Variants in TMEM132B observed in about 807,000 individuals in gnomAD.
The protein encoded by TMEM132B is transmembrane protein 132B.
A neutral mutation model predicts 90.8 loss-of-function variants in TMEM132B; 18 were observed. The ratio of observed to expected loss-of-function variants is 0.20; its 90% CI spans 0.14 to 0.29. The LOEUF is 0.29. Among genes scored for constraint, TMEM132B ranks in the 10% least tolerant of loss-of-function variants. The probability of loss-of-function intolerance (pLI) is 1.00; values close to 1 mark genes in which losing one functional copy is unlikely to be tolerated. For synonymous variants in TMEM132B, 504 were observed against 523.3 expected, an observed-to-expected ratio of 0.96 and a Z score of 0.50; for missense variants, 1,096 against 1,326.8, an observed-to-expected ratio of 0.83 and a Z score of 2.70.
At chr12:125,270,009 G>C (rs1373125996) in intron 1 of TMEM132B, among the ~76,000 whole-genome samples, 1 of 151,500 alleles carries the variant, frequency 6.6e-6, no homozygotes, top group Non-Finnish European at 1.5e-5. Context: ...AGTCTGGGCA[G>C]TAGAACATGA....
Position 125,652,429 on chromosome 12 carries a change from C to G in TMEM132B, c.1915-12C>G. 1 of 1,580,430 alleles carries G rather than the reference C, an allele frequency of 6.3e-7. No individual in the cohort carries two copies. Among genetic ancestry groups the G allele is most frequent in the African/African-American group, 1.3e-5 (1 of 74,306 alleles). On this transcript the variant is annotated splice_polypyrimidine_tract_variant and intron_variant, in intron 7 of 8. Coordinates refer to ENST00000682704, the MANE Select transcript of TMEM132B (RefSeq NM_001366854.1). The stretch of plus-strand genomic sequence containing the variant: ...GAGCAGAGATGCATGAGTCTCCTCG[C>G]TGACTTTTCAGGTCCTCTCGCCGTT...
intron 3 of TMEM132B, among the ~76,000 whole-genome samples, chr12:125,479,987 A>C (rs1190858010): frequency 6.6e-6 from 1 of 152,238 alleles, no homozygotes; most frequent in Non-Finnish European, 1.5e-5. Flanking sequence ...TGGAAACTGA[A>C]CAACCTGCTC....
intron 4 of TMEM132B, among the ~76,000 whole-genome samples, chr12:125,525,968 G>A (rs151125479): frequency 3.9e-5 from 6 of 152,176 alleles, no homozygotes; most frequent in Admixed American, 1.3e-4. Flanking sequence ...ATAACTTGTC[G>A]TTAAAAAGGA....
chr12:125,489,609 G>A (rs112022026), intron 3 of TMEM132B, among the ~76,000 whole-genome samples: 4,507 of 151,932 alleles, frequency 0.03, 116 homozygotes, highest in African/African-American at 0.069. Flanking sequence ...ATGGGGTCTC[G>A]CTATGTTGTC....
Position 125,519,578 on chromosome 12 carries a change from A to T in TMEM132B, c.1246A>T (p.Ile416Phe). 1 of 1,614,046 alleles carries T rather than the reference A, an allele frequency of 6.2e-7. No individual in the cohort carries two copies. Among genetic ancestry groups the T allele is most frequent in the Non-Finnish European group, 8.5e-7 (1 of 1,180,004 alleles). The change falls in exon 4 of 9, where the codon ATC (isoleucine) becomes TTC (phenylalanine). Residue 416 changes from isoleucine (I) to phenylalanine (F), a missense_variant. Coordinates refer to ENST00000682704, the MANE Select transcript of TMEM132B (RefSeq NM_001366854.1). ...CATGAGTGAGCTGGTCGTCTCCGAG[A>T]TCTTCGTCAGCCAGACAACCTTCGT... The part of the protein sequence containing the change: ...DSMSELVVSE[I>F]FVSQTTFVGI...
chr12:125,304,438 A>C (rs1875906737), intron 1 of TMEM132B, among the ~76,000 whole-genome samples: 1 of 151,720 alleles, frequency 6.6e-6, no homozygotes, highest in Admixed American at 6.6e-5. Context: ...AAAATCCATG[A>C]AGATTTGTCC....
chr12:125,408,028 C>T lies in TMEM132B; in HGVS notation c.960-7503C>T, dbSNP rs940649603. On this transcript the variant is annotated intron_variant, in intron 2 of 8. Coordinates refer to ENST00000682704, the MANE Select transcript of TMEM132B (RefSeq NM_001366854.1). This position sits in a 1 kb window ranked among gnomAD's most constrained non-coding sequence, Gnocchi z 5.9. The stretch of plus-strand genomic sequence containing the variant: ...TCCCCAGAAGCCCAGCAGGACTCCA[C>T]TCAGTGACTGCCTCTACCACAGGGC... Among the ~76,000 whole-genome samples the T allele has an allele frequency of 7.2e-5, 11 of 152,224 alleles. No individual in the cohort carries two copies. Among genetic ancestry groups the T allele is most frequent in the African/African-American group, 2.2e-4 (9 of 41,462 alleles).
intron 1 of TMEM132B, among the ~76,000 whole-genome samples, chr12:125,230,824 T>C (rs1289149812): frequency 1.3e-5 from 2 of 152,126 alleles, no homozygotes; most frequent in Non-Finnish European, 2.9e-5. Flanking sequence ...TTCCAGGTGA[T>C]GCTGAGCACG....
chr12:125,342,691 T>G (rs1307304289), intron 1 of TMEM132B, among the ~76,000 whole-genome samples: 2 of 152,190 alleles, frequency 1.3e-5, no homozygotes, highest in African/African-American at 4.8e-5. Flanking sequence ...CTTCATCTGC[T>G]TTCTGTCTGC....
intron 1 of TMEM132B, among the ~76,000 whole-genome samples, chr12:125,284,126 G>A (rs1011693027): frequency 3.9e-5 from 6 of 152,150 alleles, no homozygotes; most frequent in South Asian, 2.1e-4. Flanking sequence ...TCCTTCTATG[G>A]TAGGTGATTT....
At chr12:125,515,460 C>T (rs534068401) in intron 3 of TMEM132B, among the ~76,000 whole-genome samples, 1 of 144,576 alleles carries the variant, frequency 6.9e-6, no homozygotes, top group Non-Finnish European at 1.5e-5. Context: ...CATTCCCTCA[C>T]AGAAACACAT....
chr12:125,374,597 A>C (rs530130414), intron 2 of TMEM132B, among the ~76,000 whole-genome samples: 26 of 151,954 alleles, frequency 1.7e-4, no homozygotes, highest in African/African-American at 4.8e-4. Context: ...AAGTCTTCCT[A>C]ATGCATGTTT....
chr12:125,578,597 G>T (rs1292926249), intron 4 of TMEM132B, among the ~76,000 whole-genome samples: 2 of 152,034 alleles, frequency 1.3e-5, no homozygotes, highest in Non-Finnish European at 2.9e-5. Context: ...GAGCCTAGAG[G>T]TCTTCTTTTG....
At chr12:125,568,484 C>T (rs140462953) in intron 4 of TMEM132B, among the ~76,000 whole-genome samples, 48 of 152,252 alleles carry the variant, frequency 3.2e-4, no homozygotes, top group African/African-American at 8.4e-4. Flanking sequence ...GATAGACTCC[C>T]GCTCTCAAGG....
intron 1 of TMEM132B, among the ~76,000 whole-genome samples, chr12:125,208,701 C>A (rs1444458493): frequency 2.6e-5 from 4 of 152,178 alleles, no homozygotes; most frequent in Admixed American, 2.6e-4. Flanking sequence ...AGTGGGGAAC[C>A]CCCTGCAAGG....
At chr12:125,189,609 C>T (rs550319049) in intron 1 of TMEM132B, among the ~76,000 whole-genome samples, 22 of 152,232 alleles carry the variant, frequency 1.4e-4, no homozygotes, top group Admixed American at 6.5e-4. Flanking sequence ...AATGTCGTCG[C>T]CTTCTCCAGT....
intron 3 of TMEM132B, among the ~76,000 whole-genome samples, chr12:125,423,487 C>A (rs924557299): frequency 6.6e-6 from 1 of 152,196 alleles, no homozygotes; most frequent in Non-Finnish European, 1.5e-5. Context: ...GGACTCCTCC[C>A]TGACCCCTTC....
Position 125,349,509 on chromosome 12 carries a change from A to G in TMEM132B, c.125A>G (p.Tyr42Cys). 3 of 1,613,926 alleles carry G rather than the reference A, an allele frequency of 1.9e-6. No homozygotes were observed. The highest frequency in any genetic ancestry group is 2.5e-6 in the Non-Finnish European group (3 of 1,180,000). Reference protein sequence around the residue: ...SLQKFSSLPAYLPTNLHISNA... With the variant: ...SLQKFSSLPACLPTNLHISNA... ...CAGAAGTTTTCCTCGCTCCCTGCTTACCTCCCCACGAACTTGCACATCTCC... is the reference window on the plus strand; with the variant it reads ...CAGAAGTTTTCCTCGCTCCCTGCTTGCCTCCCCACGAACTTGCACATCTCC... Residue 42 changes from tyrosine (Y) to cysteine (C), a missense_variant, in exon 2 of 9, where the codon TAC becomes TGC. Tyr to Cys is a radical substitution (Grantham distance 194). Coordinates refer to ENST00000682704, the MANE Select transcript of TMEM132B (RefSeq NM_001366854.1). This position sits in a 1 kb window ranked among gnomAD's most constrained non-coding sequence, Gnocchi z 4.1.
chr12:125,505,166 CAAAAAAAAAA>C (rs71306287), intron 3 of TMEM132B, among the ~76,000 whole-genome samples: 1,998 of 28,468 alleles, frequency 0.07, 22 homozygotes, highest in African/African-American at 0.2. Flanking sequence ...CACCAGAGGA[CAAAAAAAAAA>C]AAAAAAAAAA....
Sources: gnomAD v4.1 joint callset for allele counts (sites outside exome capture counted in the v4.1 genomes callset) on GRCh38, gnomAD v4.1.1 for gene constraint, Gnocchi (gnomAD v3.1) non-coding constraint, MANE v1.5 for transcripts, NCBI Gene and HGNC (gene_info 2026-07-23, HGNC 2026-07-21) for gene names.